DPYD: variants seen among roughly 807,000 people sequenced by gnomAD.
DPYD encodes dihydropyrimidine dehydrogenase [NADP(+)].
Under a neutral mutation model 116.2 loss-of-function variants are expected in DPYD, and 109 were observed. The ratio of observed to expected loss-of-function variants is 0.94; its 90% CI spans 0.80 to 1.10. The LOEUF (loss-of-function observed/expected upper bound fraction) is 1.10, where lower values mean the gene tolerates loss of function less well. Among genes scored for constraint, DPYD ranks in the 50% least tolerant of loss-of-function variants. The pLI is 0.00. For missense variants in DPYD, 1,302 were observed against 1,254.5 expected, an observed-to-expected ratio of 1.04 and a Z score of -0.57; for synonymous variants, 440 against 432.0, an observed-to-expected ratio of 1.02 and a Z score of -0.23.
chr1:97,273,688 C>A lies in DPYD; in HGVS notation c.2299+31571G>T, dbSNP rs950970513. 2.0e-5 allele frequency among the ~76,000 whole-genome samples: 3 copies of A among 152,052 alleles called. No homozygotes were observed. The East Asian group carries it at 5.8e-4, about 29-fold the overall frequency. On this transcript the variant is annotated intron_variant, in intron 18 of 22. Coordinates refer to ENST00000370192, the MANE Select transcript of DPYD (RefSeq NM_000110.4). ...TCCTGGAGGATTTGTATGTTTATTG[C>A]TTTTTTGTAAGACATTTATCCAGCT...
At chr1:97,526,904 T>G (rs755723065) in intron 12 of DPYD, among the ~76,000 whole-genome samples, 34 of 152,128 alleles carry the variant, frequency 2.2e-4, no homozygotes, top group Non-Finnish European at 4.6e-4. Context: ...CCAGATCCAG[T>G]GATAAGTATT....
chr1:97,683,369 G>A (rs1660529011), intron 7 of DPYD, among the ~76,000 whole-genome samples: 1 of 151,618 alleles, frequency 6.6e-6, no homozygotes, highest in Non-Finnish European at 1.5e-5. Flanking sequence ...GTGAAAACAA[G>A]ATGTTATAAG....
chr1:97,093,440 G>A (rs144627451), intron 21 of DPYD, among the ~76,000 whole-genome samples: 4 of 152,222 alleles, frequency 2.6e-5, no homozygotes, highest in East Asian at 1.9e-4. Context: ...TCATCTTAAC[G>A]TGGATTTCTT....
At chr1:97,359,043 G>T (rs959818974) in intron 16 of DPYD, among the ~76,000 whole-genome samples, 1 of 152,064 alleles carries the variant, frequency 6.6e-6, no homozygotes, top group Admixed American at 6.5e-5. Flanking sequence ...CGAACCCATC[G>T]CAAGGAAGCT....
At chr1:97,572,780 C>G (rs971950861) in intron 11 of DPYD, among the ~76,000 whole-genome samples, 1 of 151,958 alleles carries the variant, frequency 6.6e-6, no homozygotes, top group South Asian at 2.1e-4. Flanking sequence ...TTCCACATAC[C>G]AAGATGTTTG....
At chr1:97,490,335 ATATAT>A (rs1398191342) in intron 13 of DPYD, among the ~76,000 whole-genome samples, 13 of 148,048 alleles carry the variant, frequency 8.8e-5, no homozygotes, top group East Asian at 3.9e-4. Flanking sequence ...TATACTGATA[ATATAT>A]TATATATTAC....
At chr1:97,212,558 A>G (rs989396459) in intron 19 of DPYD, among the ~76,000 whole-genome samples, 3 of 151,946 alleles carry the variant, frequency 2.0e-5, no homozygotes, top group Non-Finnish European at 2.9e-5. Context: ...TTCTGGATAT[A>G]TATATTTATT....
chr1:97,351,840 A>G (rs1670162887), intron 16 of DPYD, among the ~76,000 whole-genome samples: 1 of 152,154 alleles, frequency 6.6e-6, no homozygotes, highest in African/African-American at 2.4e-5. Context: ...AACATTTAAA[A>G]GGAACAAGGA....
intron 13 of DPYD, among the ~76,000 whole-genome samples, chr1:97,471,445 C>T (rs924632999): frequency 6.6e-6 from 1 of 152,120 alleles, no homozygotes; most frequent in Non-Finnish European, 1.5e-5. Flanking sequence ...GGGTCTAAAA[C>T]TGCAACCACA....
In DPYD at chr1:97,293,433, T is replaced by C. The variant is rs375000046; in HGVS notation, c.2299+11826A>G. 1.6e-4 allele frequency among the ~76,000 whole-genome samples: 24 copies of C among 152,318 alleles called. No individual in the cohort carries two copies. The South Asian group carries it at 4.8e-3, about 30-fold the overall frequency. On this transcript the variant is annotated intron_variant, in intron 18 of 22. Transcript: ENST00000370192. ...GCTGTGTGATGTTATAGAATTTACT[T>C]GACCTTTCTGTGTCTCAGTTTATAT...
chr1:97,904,466 C>A (rs1421752316), intron 1 of DPYD, among the ~76,000 whole-genome samples: 1 of 151,828 alleles, frequency 6.6e-6, no homozygotes, highest in Non-Finnish European at 1.5e-5. Flanking sequence ...TGCCTAAAAG[C>A]AGTAGATAGA....
rs1326062841 is a variant in DPYD, at chr1:97,222,392, G to T, written c.2442+12460C>A. On this transcript the variant is annotated intron_variant, in intron 19 of 22. Coordinates refer to ENST00000370192, the MANE Select transcript of DPYD (RefSeq NM_000110.4). Reference sequence around the variant, plus strand: ...TGCAATGCTATTATTTTTTTCTATAGTAAAACTGTCTTTCAAAAATATTAG... The same window carrying T: ...TGCAATGCTATTATTTTTTTCTATATTAAAACTGTCTTTCAAAAATATTAG... Among the ~76,000 whole-genome samples, 3 of 151,992 alleles carry T rather than the reference G, an allele frequency of 2.0e-5. No homozygotes were observed. The East Asian group carries it at 5.8e-4, about 29-fold the overall frequency.
Position 97,920,653 on chromosome 1 carries a change from C to T in DPYD, c.39+231G>A, listed in dbSNP as rs75520413. On this transcript the variant is annotated intron_variant, in intron 1 of 22. Coordinates refer to ENST00000370192, the MANE Select transcript of DPYD (RefSeq NM_000110.4). ...CTCTTCCGAAGTAAACAGGTCCCGACGCAAAGGGCAACCCCTCCAGTAGCG... is the reference window on the plus strand; with the variant it reads ...CTCTTCCGAAGTAAACAGGTCCCGATGCAAAGGGCAACCCCTCCAGTAGCG... Among the ~76,000 whole-genome samples the T allele has an allele frequency of 3.6e-3, 551 of 152,300 alleles. 7 individuals are homozygous for T. The highest frequency in any genetic ancestry group is 0.013 in the African/African-American group (532 of 41,556).
chr1:97,748,450 T>C (rs1317194803), intron 3 of DPYD, among the ~76,000 whole-genome samples: 1 of 151,762 alleles, frequency 6.6e-6, no homozygotes, highest in Non-Finnish European at 1.5e-5. Context: ...CTACTAAAAA[T>C]TCAAAAAAAT....
At chr1:97,821,881 C>T (rs1051339646) in intron 3 of DPYD, among the ~76,000 whole-genome samples, 1 of 151,774 alleles carries the variant, frequency 6.6e-6, no homozygotes, top group African/African-American at 2.4e-5. Flanking sequence ...CCTCTATATC[C>T]TAGTTCCTCA....
intron 13 of DPYD, among the ~76,000 whole-genome samples, chr1:97,497,413 A>G (rs918331709): frequency 2.0e-5 from 3 of 151,792 alleles, no homozygotes; most frequent in African/African-American, 7.2e-5. Flanking sequence ...CTATTACACC[A>G]TGTTTCTAAC....
At chr1:97,100,648 C>G (rs1174604655) in intron 20 of DPYD, among the ~76,000 whole-genome samples, 3 of 152,066 alleles carry the variant, frequency 2.0e-5, no homozygotes, top group Non-Finnish European at 4.4e-5. Context: ...AGAAATCATT[C>G]TTGCAACCTT....
chr1:97,153,874 C>A (rs1029775713), intron 20 of DPYD, among the ~76,000 whole-genome samples: 3 of 149,792 alleles, frequency 2.0e-5, no homozygotes, highest in South Asian at 4.2e-4. Context: ...AAATGGCCAA[C>A]AAGCATATGG....
intron 14 of DPYD, among the ~76,000 whole-genome samples, chr1:97,430,208 A>T (rs1675098474): frequency 6.6e-6 from 1 of 152,158 alleles, no homozygotes; most frequent in Admixed American, 6.6e-5. Flanking sequence ...AACATAAATC[A>T]GAAAATCGCA....
Sources: gnomAD v4.1 joint callset for allele counts (sites outside exome capture counted in the v4.1 genomes callset) on GRCh38, gnomAD v4.1.1 for gene constraint, MANE v1.5 for transcripts, NCBI Gene and HGNC (gene_info 2026-07-23, HGNC 2026-07-21) for gene names.